The following N4BP2 variants were observed in gnomAD, a reference collection of about 807,000 sequenced individuals.
N4BP2 encodes NEDD4 binding protein 2, also known as NEDD4-binding protein 2.
Under a neutral mutation model 152.8 loss-of-function variants are expected in N4BP2, and 91 were observed. The observed-to-expected ratio is 0.60, with a 90% CI of 0.50 to 0.71. The LOEUF is 0.71. Among genes scored for constraint, N4BP2 ranks in the 30% least tolerant of loss-of-function variants. The pLI, the probability that N4BP2 is intolerant of heterozygous loss-of-function variation, is 0.00. For missense variants in N4BP2, 1,923 were observed against 2,059.1 expected (o/e 0.93, Z 1.28); for synonymous variants, 646 against 705.3 (o/e 0.92, Z 1.33).
intron 1 of N4BP2, among the ~76,000 whole-genome samples, chr4:40,065,572 G>C (rs767564455): frequency 2.0e-5 from 3 of 152,120 alleles, no homozygotes; most frequent in Non-Finnish European, 4.4e-5. Context: ...GGATGGGAGG[G>C]TGGATTGTAT....
At chr4:40,123,667 T>C (rs1718139368) in intron 10 of N4BP2, among the ~76,000 whole-genome samples, 1 of 150,760 alleles carries the variant, frequency 6.6e-6, no homozygotes, top group Non-Finnish European at 1.5e-5. Context: ...TTTTTTTTTG[T>C]AGAGGCAAGG....
chr4:40,126,360 G>A, intron 12 of N4BP2, 30 bp downstream of exon 12: 1 of 1,124,682 alleles, frequency 8.9e-7, no homozygotes, highest in Non-Finnish European at 1.2e-6. Flanking sequence ...TTAAGCTACT[G>A]TCTCTGATTC....
In N4BP2 at chr4:40,102,121, C is replaced by T. The variant is rs754991307; in HGVS notation, c.276C>T (p.Thr92=). The change falls in exon 4 of 18, where the codon ACC becomes ACT. Residue 92 remains threonine (T), a synonymous_variant. Coordinates refer to ENST00000261435, the MANE Select transcript of N4BP2 (RefSeq NM_018177.6). ...TATTAGAATTATCTGCCACTGATAC[C>T]AAGATAGAAGAATCATCTTCACAAA... The part of the protein sequence containing the change: ...DCLLELSATD[T]KIEESSSQSF... 4 of 1,610,750 alleles carry T rather than the reference C, an allele frequency of 2.5e-6. No individual in the cohort carries two copies. The highest frequency in any genetic ancestry group is 4.5e-5 in the East Asian group (2 of 44,792).
chr4:40,094,460 A>T (rs1714920811), intron 2 of N4BP2, among the ~76,000 whole-genome samples: 1 of 152,134 alleles, frequency 6.6e-6, no homozygotes, highest in South Asian at 2.1e-4. Flanking sequence ...TATAATTGTG[A>T]ATTTGTCTAT....
rs375547982 is a variant in N4BP2, at chr4:40,121,757, T to G, written c.3646T>G (p.Ser1216Ala). The G allele has an allele frequency of 3.5e-4, 561 of 1,613,920 alleles. 3 individuals are homozygous for G. The South Asian group carries it at 5.8e-3, about 17-fold the overall frequency. ...AGCTGTCACTCCTGAAAACCATGAA[T>G]CGATGACAAGTATATTTCCCAGTGC... ...MRAVTPENHE[S>A]MTSIFPSAAV... Residue 1216 changes from serine (S) to alanine (A), a missense_variant, in exon 9 of 18, where the codon TCG becomes GCG. Coordinates refer to ENST00000261435, the MANE Select transcript of N4BP2 (RefSeq NM_018177.6).
At chr4:40,098,403 T>G (rs779898301) in intron 3 of N4BP2, among the ~76,000 whole-genome samples, 16 of 152,178 alleles carry the variant, frequency 1.1e-4, no homozygotes, top group Non-Finnish European at 2.2e-4. Flanking sequence ...TGGTAAAGTC[T>G]TCAGTATGGT....
chr4:40,170,692 C>A, the N4BP2 span, among the ~76,000 whole-genome samples: 1 of 152,162 alleles, frequency 6.6e-6, no homozygotes, highest in Non-Finnish European at 1.5e-5. Context: ...TTTTTGTGTT[C>A]TAATTGGAAA....
chr4:40,098,807 A>T (rs186997656), intron 3 of N4BP2, among the ~76,000 whole-genome samples: 1 of 152,230 alleles, frequency 6.6e-6, no homozygotes, highest in Admixed American at 6.5e-5. Context: ...CTATACCATA[A>T]CAAAAAAACT....
intron 2 of N4BP2, among the ~76,000 whole-genome samples, chr4:40,074,808 AC>A (rs1712563073): frequency 6.6e-6 from 1 of 151,824 alleles, no homozygotes; most frequent in East Asian, 2.0e-4. Context: ...GGAGTTTGAG[AC>A]CAGCCTGGCT....
At chr4:40,075,547 G>A (rs904107946) in intron 2 of N4BP2, among the ~76,000 whole-genome samples, 1 of 151,878 alleles carries the variant, frequency 6.6e-6, no homozygotes, top group South Asian at 2.1e-4. Context: ...ACAGGTGCAT[G>A]CCACCATGCC....
Position 40,117,939 on chromosome 4 carries a change from G to A in N4BP2, c.1735G>A (p.Val579Met). ...MLEHYQRFVS[V>M]PIIMSSSVPE... ...GGAACATTATCAACGTTTTGTTTCA[G>A]TGCCAATAATTATGAGTTCTTCGGT... The change falls in exon 8 of 18, where the codon GTG becomes ATG. Residue 579 changes from valine to methionine, a missense_variant. By Grantham distance (21) the Val-to-Met change is conservative. Transcript: ENST00000261435. The A allele has an allele frequency of 1.2e-6, 2 of 1,612,904 alleles. No homozygotes were observed. The highest frequency in any genetic ancestry group is 1.7e-6 in the Non-Finnish European group (2 of 1,179,436).
intron 2 of N4BP2, among the ~76,000 whole-genome samples, chr4:40,084,632 T>A (rs35049615): frequency 0.23 from 19,902 of 86,108 alleles, 1,614 homozygotes; most frequent in Middle Eastern, 0.35. Context: ...ATATATATAA[T>A]TTTTTTTTTT....
At chr4:40,158,914 C>T (rs9993439), downstream of N4BP2, among the ~76,000 whole-genome samples, 32,881 of 152,106 alleles carry the variant, frequency 0.22, 3,962 homozygotes, top group Admixed American at 0.29. Context: ...TTAGAGCACT[C>T]GTTACTGGGG....
At chr4:40,180,268 T>A in the N4BP2 span, among the ~76,000 whole-genome samples, 1 of 152,296 alleles carries the variant, frequency 6.6e-6, no homozygotes, top group East Asian at 1.9e-4. Context: ...GATATAAATA[T>A]GCCATTTTAG....
At chr4:40,141,484 C>T (rs1444217595) in intron 14 of N4BP2, among the ~76,000 whole-genome samples, 1 of 135,734 alleles carries the variant, frequency 7.4e-6, no homozygotes, top group Non-Finnish European at 1.6e-5. Flanking sequence ...ACATCTCAGA[C>T]GATGGGCGGC....
chr4:40,151,787 C>G (rs1721175489), intron 16 of N4BP2, among the ~76,000 whole-genome samples: 1 of 152,114 alleles, frequency 6.6e-6, no homozygotes, highest in Admixed American at 6.5e-5. Flanking sequence ...AGATGGAGAT[C>G]ATAGACAAGG....
chr4:40,189,624 C>T, the N4BP2 span, among the ~76,000 whole-genome samples: 2,007 of 152,240 alleles, frequency 0.013, 48 homozygotes, highest in African/African-American at 0.044. The surrounding 1 kb of genome is among the most constrained non-coding windows in gnomAD (Gnocchi z 4.3). Context: ...CGCGGTGGCT[C>T]ACGCCTGTAA....
At position 40,120,548 on chromosome 4, in the gene N4BP2, G is replaced by C. The variant is rs183553717; in HGVS notation, c.2437G>C (p.Val813Leu). The C allele has an allele frequency of 1.9e-5, 30 of 1,613,962 alleles. 1 individual carries two copies. The East Asian group carries it at 6.0e-4, about 32-fold the overall frequency. ...CAGAAAAACTGAAAAAACTTCATCC[G>C]TACAAAGCGACAAAAAGTATAATTA... is the stretch of plus-strand genomic sequence containing the variant. ...RNRKTEKTSS[V>L]QSDKKYNYPQ... Residue 813 changes from valine (V) to leucine (L), a missense_variant, in exon 9 of 18, where the codon GTA becomes CTA. Val to Leu is a conservative substitution (Grantham distance 32). Coordinates refer to ENST00000261435, the MANE Select transcript of N4BP2 (RefSeq NM_018177.6).
At chr4:40,159,456 C>T (rs903095176), downstream of N4BP2, among the ~76,000 whole-genome samples, 4 of 152,166 alleles carry the variant, frequency 2.6e-5, no homozygotes, top group African/African-American at 9.6e-5. Flanking sequence ...ATCATTCTGC[C>T]ATACCCAAGA....
Sources: allele counts gnomAD v4.1 joint callset (sites outside exome capture counted in the v4.1 genomes callset), GRCh38; gene constraint gnomAD v4.1.1; non-coding constraint Gnocchi (gnomAD v3.1); transcripts MANE v1.5; gene names NCBI Gene and HGNC (gene_info 2026-07-23, HGNC 2026-07-21).